Variants in GRAMD4 observed in about 807,000 individuals in gnomAD.
The protein encoded by GRAMD4 is GRAM domain-containing protein 4.
Under a neutral mutation model 83.9 loss-of-function variants are expected in GRAMD4, and 25 were observed. The observed-to-expected ratio is 0.30, with a 90% CI of 0.22 to 0.42. The LOEUF (loss-of-function observed/expected upper bound fraction) is 0.42, where lower values mean the gene tolerates loss of function less well. Among genes scored for constraint, GRAMD4 ranks in the 10% least tolerant of loss-of-function variants. The pLI is 1.00. For missense variants in GRAMD4, 593 were observed against 788.7 expected (o/e 0.75, Z 2.97); for synonymous variants, 336 against 320.9 (o/e 1.05, Z -0.50).
chr22:46,659,112 G>A lies in GRAMD4; in HGVS notation c.404+805G>A, dbSNP rs917023161. 7.2e-5 allele frequency among the ~76,000 whole-genome samples: 11 copies of A among 152,106 alleles called. No individual in the cohort carries two copies. Among genetic ancestry groups the A allele is most frequent in the Non-Finnish European group, 1.2e-4 (8 of 68,012 alleles). On this transcript the variant is annotated intron_variant, in intron 4 of 18. Coordinates refer to ENST00000406902, the MANE Select transcript of GRAMD4 (RefSeq NM_015124.5). The surrounding 1 kb of genome is among the most constrained non-coding windows in gnomAD (Gnocchi z 4.1). ...CTGGTACATGAGGCCAGGGAGCTCA[G>A]GCCACTCACCTCTGGCTCCCAGGCC...
At chr22:46,599,109 C>G (rs762882452) in intron 1 of GRAMD4, among the ~76,000 whole-genome samples, 6 of 152,132 alleles carry the variant, frequency 3.9e-5, no homozygotes, top group Admixed American at 6.5e-5. Context: ...AAGTCCTTGA[C>G]AGAACCCCTA....
At chr22:46,588,490 C>G (rs537706883) in intron 1 of GRAMD4, among the ~76,000 whole-genome samples, 5 of 152,316 alleles carry the variant, frequency 3.3e-5, no homozygotes, top group Admixed American at 6.5e-5. Flanking sequence ...TGGGTCAAAC[C>G]ACTACAGAGG....
chr22:46,601,143 C>T (rs903275314), intron 1 of GRAMD4, among the ~76,000 whole-genome samples: 2 of 149,394 alleles, frequency 1.3e-5, no homozygotes, highest in Non-Finnish European at 3.0e-5. Flanking sequence ...GACTCTGTCT[C>T]AAAGAAAAAA....
At chr22:46,616,475 T>C (rs1488233623), upstream of GRAMD4, among the ~76,000 whole-genome samples, 2 of 130,074 alleles carry the variant, frequency 1.5e-5, no homozygotes, top group African/African-American at 3.0e-5. Context: ...TAGGTTCCCC[T>C]GTGCGTGTCG....
intron 15 of GRAMD4, 138 bp downstream of exon 15, chr22:46,673,952 GC>G: frequency 1.1e-6 from 1 of 927,204 alleles, no homozygotes; most frequent in Non-Finnish European, 1.7e-6. Context: ...ACATCCCACT[GC>G]CCCAGGAGGA....
At chr22:46,607,306 G>T (rs2081375329) in intron 1 of GRAMD4, among the ~76,000 whole-genome samples, 2 of 152,162 alleles carry the variant, frequency 1.3e-5, no homozygotes, top group Non-Finnish European at 2.9e-5. Context: ...TAACAAACCT[G>T]CATGTTGTGC....
At chr22:46,591,765 G>A (rs1333760822) in intron 1 of GRAMD4, among the ~76,000 whole-genome samples, 4 of 148,640 alleles carry the variant, frequency 2.7e-5, no homozygotes, top group Non-Finnish European at 4.4e-5. Flanking sequence ...CTCGGGAGAC[G>A]GAGGTTGCAG....
chr22:46,597,270 A>C (rs2081270857), intron 1 of GRAMD4, among the ~76,000 whole-genome samples: 1 of 152,084 alleles, frequency 6.6e-6, no homozygotes, highest in Admixed American at 6.5e-5. Flanking sequence ...AGGCTGTTTT[A>C]AAGAGGGTTT....
intron 2 of GRAMD4, among the ~76,000 whole-genome samples, chr22:46,634,711 CG>C (rs942355308): frequency 1.3e-5 from 2 of 152,032 alleles, no homozygotes; most frequent in Non-Finnish European, 2.9e-5. Context: ...GAGGCCAAGG[CG>C]GGTGGATCAC....
chr22:46,609,925 G>A (rs757001064), intron 1 of GRAMD4, among the ~76,000 whole-genome samples: 2 of 152,224 alleles, frequency 1.3e-5, no homozygotes, highest in Non-Finnish European at 2.9e-5. Context: ...TACACTGGTG[G>A]CTGTTCTGAG....
At chr22:46,643,107 C>T (rs1398371988) in intron 3 of GRAMD4, among the ~76,000 whole-genome samples, 4 of 151,666 alleles carry the variant, frequency 2.6e-5, no homozygotes, top group Admixed American at 1.3e-4. Context: ...ATCCATCCAT[C>T]CATCCATCCA....
chr22:46,665,664 T>A lies in GRAMD4; in HGVS notation c.767T>A (p.Phe256Tyr). ...WHGWAIPLFLFLAILRLSLNY... is the reference protein window; with the variant it reads ...WHGWAIPLFLYLAILRLSLNY... ...GGCTGGGCCATCCCATTGTTCTTATTTCTAGCAATTCTGAGGTTATCCCTC... is the reference window on the plus strand; with the variant it reads ...GGCTGGGCCATCCCATTGTTCTTATATCTAGCAATTCTGAGGTTATCCCTC... The change falls in exon 9 of 19, where the codon TTT becomes TAT. Residue 256 changes from phenylalanine (F) to tyrosine (Y), a missense_variant. Phe to Tyr is a conservative substitution (Grantham distance 22). Transcript: ENST00000406902. The A allele has an allele frequency of 6.2e-7, 1 of 1,607,270 alleles. No individual in the cohort carries two copies. Among genetic ancestry groups the A allele is most frequent in the Non-Finnish European group, 8.5e-7 (1 of 1,174,244 alleles).
At position 46,677,484 on chromosome 22, in the gene GRAMD4, G is replaced by A. The variant is rs1406116319; in HGVS notation, c.*233G>A. ...ACAGGGCACGTCAGGTGCCTCTGAG[G>A]GCCACCCGCAGACTGGGGGAGGGGG... On this transcript the variant is annotated 3_prime_UTR_variant, in exon 19 of 19. Coordinates refer to ENST00000406902, the MANE Select transcript of GRAMD4 (RefSeq NM_015124.5). The A allele has an allele frequency of 3.9e-6, 5 of 1,292,944 alleles. No homozygotes were observed. The East Asian group carries it at 9.0e-5, about 23-fold the overall frequency. The allele number at this position is 1,292,944 out of a possible 1,614,324, so 80.1% of individuals were successfully genotyped here. A position where few individuals can be genotyped will look rare whatever the true frequency, so the allele number is the denominator to read the frequency against.
intron 1 of GRAMD4, chr22:46,577,297 G>C: frequency 1.0e-6 from 1 of 979,726 alleles, no homozygotes; most frequent in South Asian, 4.5e-5. Context: ...CAGGGTAAGC[G>C]GCGCGCGCGG....
rs1473483462 is a variant in GRAMD4 at position 46,672,673 on chromosome 22, G to A, written c.1085-170G>A. ...CAGCACGAATGGGCCCCAGGGGAGCGAGGCTGGGGGTATCCAGGGTGAGGA... is the reference window on the plus strand; with the variant it reads ...CAGCACGAATGGGCCCCAGGGGAGCAAGGCTGGGGGTATCCAGGGTGAGGA... On this transcript the variant is annotated intron_variant, in intron 13 of 18. Transcript: ENST00000406902. This position sits in a 1 kb window ranked among gnomAD's most constrained non-coding sequence, Gnocchi z 4.7. 2.0e-5 allele frequency among the ~76,000 whole-genome samples: 3 copies of A among 152,020 alleles called. No homozygotes were observed. The highest frequency in any genetic ancestry group is 4.4e-5 in the Non-Finnish European group (3 of 67,970).
At chr22:46,583,556 C>T (rs2081118240) in intron 1 of GRAMD4, among the ~76,000 whole-genome samples, 1 of 152,216 alleles carries the variant, frequency 6.6e-6, no homozygotes, top group South Asian at 2.1e-4. Flanking sequence ...ATAACTCTGA[C>T]AGTCTTAAGA....
intron 18 of GRAMD4, 134 bp from the exon 19 acceptor site, chr22:46,677,013 G>A (rs2147433369): frequency 1.0e-6 from 1 of 988,134 alleles, no homozygotes; most frequent in East Asian, 2.5e-5. Context: ...GTGGTGGGGA[G>A]ACACCTGTCT....
At chr22:46,587,949 G>A (rs1308888858) in intron 1 of GRAMD4, 2 of 985,238 alleles carry the variant, frequency 2.0e-6, no homozygotes, top group Admixed American at 1.2e-4. Flanking sequence ...TCACAGGTTG[G>A]CAAAAGGCCT....
rs1484605510 is a variant in GRAMD4, at chr22:46,679,240, C to G, written c.*1989C>G. ...GCTGGGATTCAGTCCCCAAACACAG[C>G]GGGAGGGGTCCCTGGGGCAGATGGG... On this transcript the variant is annotated 3_prime_UTR_variant, in exon 19 of 19. Transcript: ENST00000406902. The G allele has an allele frequency of 1.0e-6, 1 of 985,388 alleles. No individual in the cohort carries two copies. The highest frequency in any genetic ancestry group is 1.7e-5 in the African/African-American group (1 of 57,242). 61.0% of individuals were successfully genotyped at this position (985,388 alleles called of 1,614,324 possible). A position where few individuals can be genotyped will look rare whatever the true frequency, so the allele number is the denominator to read the frequency against.
Sources: gnomAD v4.1 joint callset for allele counts (sites outside exome capture counted in the v4.1 genomes callset) on GRCh38, gnomAD v4.1.1 for gene constraint, Gnocchi (gnomAD v3.1) non-coding constraint, MANE v1.5 for transcripts, NCBI Gene and HGNC (gene_info 2026-07-23, HGNC 2026-07-21) for gene names.